The following TMEM64 variants were observed in gnomAD, a reference collection of about 807,000 sequenced individuals.
TMEM64 encodes the protein transmembrane protein 64.
TMEM64 carries 19 observed loss-of-function variants against 24.5 expected under a neutral mutation model. The observed-to-expected ratio is 0.78, with a 90% CI of 0.54 to 1.14. TMEM64 has a LOEUF of 1.14. TMEM64 is among the 50% of genes most tolerant of loss of function. The pLI, the probability that TMEM64 is intolerant of heterozygous loss-of-function variation, is 0.00. For synonymous variants in TMEM64, 262 were observed against 224.7 expected, an observed-to-expected ratio of 1.17 and a Z score of -1.49; for missense variants, 487 against 493.0, an observed-to-expected ratio of 0.99 and a Z score of 0.12.
rs1025662033 is a variant in TMEM64 at position 90,622,584 on chromosome 8, T to C, written c.*3087A>G. ...AAGATATCCCCAGAGCTAACAAATA[T>C]TGACATATGTCACAGCACCTTTCTC... On this transcript the variant is annotated 3_prime_UTR_variant, in exon 3 of 3. Coordinates refer to ENST00000458549, the MANE Select transcript of TMEM64 (RefSeq NM_001008495.4). 5 of 152,258 alleles carry C rather than the reference T, an allele frequency of 3.3e-5. No homozygotes were observed. The highest frequency in any genetic ancestry group is 1.2e-4 in the African/African-American group (5 of 41,452). 9.4% of individuals were successfully genotyped at this position (152,258 alleles called of 1,614,324 possible). A position where few individuals can be genotyped will look rare whatever the true frequency, so the allele number is the denominator to read the frequency against.
chr8:90,627,787 G>C (rs1210231241), intron 2 of TMEM64, among the ~76,000 whole-genome samples: 1 of 152,140 alleles, frequency 6.6e-6, no homozygotes, highest in African/African-American at 2.4e-5. Context: ...TTAAGCATAA[G>C]CTAGGCAAGT....
chr8:90,631,776 T>G (rs1214791843), intron 1 of TMEM64, 69 bp from the exon 2 acceptor site: 5 of 1,404,952 alleles, frequency 3.6e-6, no homozygotes, highest in Admixed American at 1.7e-5. Flanking sequence ...AAAAAATGTG[T>G]GTATTAAGTC....
chr8:90,643,543 G>A (rs1363193228), intron 1 of TMEM64, among the ~76,000 whole-genome samples: 1 of 152,166 alleles, frequency 6.6e-6, no homozygotes, highest in Non-Finnish European at 1.5e-5. Flanking sequence ...GCTGGTTTAA[G>A]GATCAGAAAT....
At chr8:90,637,538 T>C (rs1303197999) in intron 1 of TMEM64, among the ~76,000 whole-genome samples, 1 of 152,170 alleles carries the variant, frequency 6.6e-6, no homozygotes, top group Non-Finnish European at 1.5e-5. Flanking sequence ...ATGCTGCTTA[T>C]TAACAAAGTT....
intron 1 of TMEM64, among the ~76,000 whole-genome samples, chr8:90,639,670 AAAG>A (rs1293336572): frequency 5.3e-5 from 8 of 152,312 alleles, no homozygotes; most frequent in South Asian, 2.1e-4. Flanking sequence ...ACTTCAAGTA[AAAG>A]AAGGTCACAA....
In TMEM64 at chr8:90,645,152, G is replaced by T; in HGVS notation, c.754C>A (p.Leu252Met). ...SGLKVVALAR[L>M]TPIPFGLQNA... ...TGAAGCCCAAAAGGTATGGGTGTCA[G>T]TCTGGCCAGCGCCACCACTTTCAGG... Residue 252 changes from leucine (L) to methionine (M), a missense_variant, in exon 1 of 3, where the codon CTG (leucine) becomes ATG (methionine). Coordinates refer to ENST00000458549, the MANE Select transcript of TMEM64 (RefSeq NM_001008495.4). This position sits in a 1 kb window ranked among gnomAD's most constrained non-coding sequence, Gnocchi z 4.2. 1 of 1,613,748 alleles carries T rather than the reference G, an allele frequency of 6.2e-7. No individual in the cohort carries two copies. The highest frequency in any genetic ancestry group is 8.5e-7 in the Non-Finnish European group (1 of 1,179,710).
Position 90,645,893 on chromosome 8 carries a change from C to G in TMEM64, c.13G>C (p.Gly5Arg). MRSP[G>R]GILLQALPRL... ...GGCAGCGCCTGGAGCAGGATCCCGC[C>G]CGGGCTCCGCATGCCTCGGCCCAGC... The change falls in exon 1 of 3, where the codon GGC (glycine) becomes CGC (arginine). Residue 5 changes from glycine (G) to arginine (R), a missense_variant. Physicochemically the swap from Gly to Arg is moderately radical, Grantham distance 125 (BLOSUM62 -2). Around this residue, in one of 3 missense-constraint regions of TMEM64, gnomAD observed 419 missense variants for 407.5 expected, o/e 1.03. Transcript: ENST00000458549. The surrounding 1 kb of genome is among the most constrained non-coding windows in gnomAD (Gnocchi z 4.2). 1 of 1,139,598 alleles carries G rather than the reference C, an allele frequency of 8.8e-7. No individual in the cohort carries two copies. Among genetic ancestry groups the G allele is most frequent in the Non-Finnish European group, 1.1e-6 (1 of 928,628 alleles). The allele number at this position is 1,139,598 out of a possible 1,614,324, so 70.6% of individuals were successfully genotyped here.
Position 90,623,896 on chromosome 8 carries a change from C to A in TMEM64, c.*1775G>T, listed in dbSNP as rs1419318090. ...TGTATTGTTGGTTGGGATTGTTAAA[C>A]TAAAATCATTAAACGAAAACCAGCA... is the stretch of plus-strand genomic sequence containing the variant. On this transcript the variant is annotated 3_prime_UTR_variant, in exon 3 of 3. Transcript: ENST00000458549. 6.6e-6 allele frequency: 1 copy of A among 151,144 alleles called. No individual in the cohort carries two copies. The highest frequency in any genetic ancestry group is 2.4e-5 in the African/African-American group (1 of 41,100). 9.4% of individuals were successfully genotyped at this position (151,144 alleles called of 1,614,324 possible). A position where few individuals can be genotyped will look rare whatever the true frequency, so the allele number is the denominator to read the frequency against.
In TMEM64 at chr8:90,622,147, G is replaced by C. The variant is rs976063056; in HGVS notation, c.*3524C>G. 3 of 152,096 alleles carry C rather than the reference G, an allele frequency of 2.0e-5. No homozygotes were observed. Among genetic ancestry groups the C allele is most frequent in the African/African-American group, 7.2e-5 (3 of 41,402 alleles). The allele number at this position is 152,096 out of a possible 1,614,324, so 9.4% of individuals were successfully genotyped here. Reference sequence around the variant, plus strand: ...GCAGCAATCACTTTGCAATTCATAAGTATCAGGTTAGAATTTAGTTGTGGA... The same window carrying C: ...GCAGCAATCACTTTGCAATTCATAACTATCAGGTTAGAATTTAGTTGTGGA... On this transcript the variant is annotated 3_prime_UTR_variant, in exon 3 of 3. Transcript: ENST00000458549.
intron 1 of TMEM64, among the ~76,000 whole-genome samples, chr8:90,638,834 C>T (rs1255966376): frequency 6.6e-6 from 1 of 152,110 alleles, no homozygotes; most frequent in Admixed American, 6.6e-5. Flanking sequence ...TGAAAATTAG[C>T]TTATTATCAG....
intron 1 of TMEM64, among the ~76,000 whole-genome samples, chr8:90,640,962 G>A (rs1809595844): frequency 6.6e-6 from 1 of 152,120 alleles, no homozygotes; most frequent in Non-Finnish European, 1.5e-5. Flanking sequence ...GATGGGTAAG[G>A]TCTTGCACTT....
chr8:90,630,630 G>A (rs796769718), intron 2 of TMEM64, among the ~76,000 whole-genome samples: 5 of 152,164 alleles, frequency 3.3e-5, no homozygotes, highest in African/African-American at 1.2e-4. Context: ...AGCTATCAAT[G>A]TGATGTCACT....
In TMEM64 at chr8:90,645,158, C is replaced by T. The variant is rs753759014; in HGVS notation, c.748G>A (p.Ala250Thr). 1.2e-6 allele frequency: 2 copies of T among 1,613,842 alleles called. No individual in the cohort carries two copies. The highest frequency in any genetic ancestry group is 4.5e-5 in the East Asian group (2 of 44,870). The change falls in exon 1 of 3, where the codon GCC (alanine) becomes ACC (threonine). Residue 250 changes from alanine to threonine, a missense_variant. Transcript: ENST00000458549. This position sits in a 1 kb window ranked among gnomAD's most constrained non-coding sequence, Gnocchi z 4.2. ...GGSGLKVVAL[A>T]RLTPIPFGLQ... is the part of the protein sequence containing the mutation. ...CCAAAAGGTATGGGTGTCAGTCTGG[C>T]CAGCGCCACCACTTTCAGGCCGCTT...
At chr8:90,628,871 G>A (rs904850155) in intron 2 of TMEM64, among the ~76,000 whole-genome samples, 1 of 152,192 alleles carries the variant, frequency 6.6e-6, no homozygotes, top group South Asian at 2.1e-4. Context: ...TAAATATACT[G>A]AAATCTGAGG....
intron 1 of TMEM64, among the ~76,000 whole-genome samples, chr8:90,634,607 T>G (rs538187468): frequency 6.6e-6 from 1 of 152,342 alleles, no homozygotes; most frequent in East Asian, 1.9e-4. Flanking sequence ...GGTATTCTTA[T>G]CCAGAAATTT....
At chr8:90,643,378 T>C (rs1462562355) in intron 1 of TMEM64, among the ~76,000 whole-genome samples, 1 of 152,230 alleles carries the variant, frequency 6.6e-6, no homozygotes, top group Admixed American at 6.5e-5. Flanking sequence ...ATTACTTTCC[T>C]CATTTTACAA....
intron 2 of TMEM64, among the ~76,000 whole-genome samples, chr8:90,628,775 T>C (rs73301565): frequency 0.015 from 2,295 of 152,302 alleles, 64 homozygotes; most frequent in African/African-American, 0.052. Context: ...TTTTGAGCAC[T>C]AACAAGACAC....
At chr8:90,636,244 A>G (rs1809515598) in intron 1 of TMEM64, among the ~76,000 whole-genome samples, 1 of 152,072 alleles carries the variant, frequency 6.6e-6, no homozygotes, top group Admixed American at 6.6e-5. Context: ...CCTCCAAACT[A>G]TTTTATTTTT....
chr8:90,643,291 C>T (rs1028836071), intron 1 of TMEM64, among the ~76,000 whole-genome samples: 2 of 152,188 alleles, frequency 1.3e-5, no homozygotes, highest in African/African-American at 4.8e-5. Context: ...AAAGCCAACA[C>T]GTGTTTGTTA....
Sources: allele counts gnomAD v4.1 joint callset (sites outside exome capture counted in the v4.1 genomes callset), GRCh38; gene constraint gnomAD v4.1.1; regional missense constraint gnomAD v4.1.1; non-coding constraint Gnocchi (gnomAD v3.1); transcripts MANE v1.5; gene names NCBI Gene and HGNC (gene_info 2026-07-23, HGNC 2026-07-21).